GNPAT: variants seen among roughly 807,000 people sequenced by gnomAD.
The protein encoded by GNPAT is glyceronephosphate O-acyltransferase, also known as dihydroxyacetone phosphate acyltransferase.
A neutral mutation model predicts 78.4 loss-of-function variants in GNPAT; 30 were observed. That is an observed-to-expected ratio of 0.38 (90% CI 0.29 to 0.52). The LOEUF (loss-of-function observed/expected upper bound fraction) is 0.52, where lower values mean the gene tolerates loss of function less well. GNPAT is among the 20% of genes least tolerant of loss of function. The probability of loss-of-function intolerance (pLI) is 0.84; values close to 1 mark genes in which losing one functional copy is unlikely to be tolerated. For synonymous variants in GNPAT, 271 were observed against 281.1 expected, an observed-to-expected ratio of 0.96 and a Z score of 0.36; for missense variants, 714 against 812.2, an observed-to-expected ratio of 0.88 and a Z score of 1.47.
intron 12 of GNPAT, chr1:231,274,807 A>T (rs1332562661): frequency 4.0e-6 from 1 of 252,516 alleles, no homozygotes; most frequent in Non-Finnish European, 7.7e-6. Flanking sequence ...TGCTAGTTCT[A>T]CCCTTAATCA....
chr1:231,247,194 G>A lies in GNPAT; in HGVS notation c.79-3767G>A, dbSNP rs534446564. 9.2e-5 allele frequency among the ~76,000 whole-genome samples: 14 copies of A among 152,132 alleles called. No individual in the cohort carries two copies. In the South Asian group the frequency reaches 2.1e-3, roughly 23 times the overall value. ...AAAAAAAACCACTGGATTCGACATCGGGTAAGGGCCAGAATGGGGAGATTT... is the reference window on the plus strand; with the variant it reads ...AAAAAAAACCACTGGATTCGACATCAGGTAAGGGCCAGAATGGGGAGATTT... On this transcript the variant is annotated intron_variant, in intron 1 of 15. Coordinates refer to ENST00000366647, the MANE Select transcript of GNPAT (RefSeq NM_014236.4).
chr1:231,258,864 C>T (rs1334549792), intron 2 of GNPAT, among the ~76,000 whole-genome samples: 5 of 151,556 alleles, frequency 3.3e-5, no homozygotes, highest in Non-Finnish European at 5.9e-5. Flanking sequence ...GTCTCAATCT[C>T]CTGACCTCGT....
chr1:231,270,100 A>G (rs1314323590), intron 9 of GNPAT: 1 of 154,760 alleles, frequency 6.5e-6, no homozygotes, highest in Non-Finnish European at 1.4e-5. Context: ...TAACTGCAGA[A>G]TAATTTTCCG....
chr1:231,242,527 T>C (rs1311014893), intron 1 of GNPAT, among the ~76,000 whole-genome samples: 1 of 152,356 alleles, frequency 6.6e-6, no homozygotes, highest in East Asian at 1.9e-4. Flanking sequence ...TAACTGCCTA[T>C]AAGCCTTATT....
In GNPAT at chr1:231,277,590, C is replaced by T. The variant is rs757899537; in HGVS notation, c.*48C>T. The T allele has an allele frequency of 2.7e-5, 29 of 1,058,846 alleles. No individual in the cohort carries two copies. In the Admixed American group the frequency reaches 3.2e-4, roughly 12 times the overall value. The allele number at this position is 1,058,846 out of a possible 1,614,324, so 65.6% of individuals were successfully genotyped here. On this transcript the variant is annotated 3_prime_UTR_variant, in exon 16 of 16. Coordinates refer to ENST00000366647, the MANE Select transcript of GNPAT (RefSeq NM_014236.4). ...AATTCGGTCACGTAATTACTCTCAT[C>T]GAAGGACTCATTACAACAAACAGGG...
rs200830930 is a variant in GNPAT at position 231,267,696 on chromosome 1, C to G, written c.1072C>G (p.Gln358Glu). ...NLVPRYIPQKQSEDMHAFVTE... is the reference protein window; with the variant it reads ...NLVPRYIPQKESEDMHAFVTE... ...TCCTTTTAGATACATTCCTCAGAAA[C>G]AGTCTGAGGACATGCATGCCTTTGT... is the stretch of plus-strand genomic sequence containing the variant. Residue 358 changes from glutamine (Q) to glutamate (E), a missense_variant, in exon 9 of 16, where the codon CAG becomes GAG. Physicochemically the swap from Gln to Glu is conservative, Grantham distance 29. Coordinates refer to ENST00000366647, the MANE Select transcript of GNPAT (RefSeq NM_014236.4). 6.4e-7 allele frequency: 1 copy of G among 1,573,038 alleles called. No homozygotes were observed. The highest frequency in any genetic ancestry group is 1.1e-5 in the South Asian group (1 of 90,342).
At position 231,241,238 on chromosome 1, in the gene GNPAT, G is replaced by A. The variant is rs1235805316; in HGVS notation, c.-141G>A. The A allele has an allele frequency of 3.4e-6, 5 of 1,471,444 alleles. No individual in the cohort carries two copies. Among genetic ancestry groups the A allele is most frequent in the Non-Finnish European group, 4.7e-6 (5 of 1,053,614 alleles). 91.1% of individuals were successfully genotyped at this position (1,471,444 alleles called of 1,614,324 possible). ...CGTCCTGGCTGAGATGGCGGCGCCC[G>A]GGATCCTGTGTAGCGGCTGCAGAGG... is the stretch of plus-strand genomic sequence containing the variant. On this transcript the variant is annotated 5_prime_UTR_variant, in exon 1 of 16. Transcript: ENST00000366647.
chr1:231,254,993 T>G (rs890295116), intron 2 of GNPAT, among the ~76,000 whole-genome samples: 2 of 151,990 alleles, frequency 1.3e-5, no homozygotes, highest in African/African-American at 4.8e-5. Flanking sequence ...CCTCAGGTAA[T>G]CCGCCCACCT....
intron 2 of GNPAT, among the ~76,000 whole-genome samples, chr1:231,252,944 C>A (rs1171501741): frequency 2.6e-5 from 4 of 152,082 alleles, no homozygotes; most frequent in Non-Finnish European, 5.9e-5. Flanking sequence ...CTGACTTTGC[C>A]TGTTACCTCC....
chr1:231,246,908 G>A (rs755481402), intron 1 of GNPAT, among the ~76,000 whole-genome samples: 3 of 152,132 alleles, frequency 2.0e-5, no homozygotes, highest in Non-Finnish European at 2.9e-5. Flanking sequence ...GTTGGCTCAC[G>A]CCTGTAATCC....
intron 1 of GNPAT, among the ~76,000 whole-genome samples, chr1:231,246,803 C>T (rs978701835): frequency 1.3e-5 from 2 of 152,230 alleles, no homozygotes; most frequent in African/African-American, 2.4e-5. Flanking sequence ...GAAATCTCTA[C>T]AGGTGGAACC....
chr1:231,246,569 A>G (rs568408422), intron 1 of GNPAT, among the ~76,000 whole-genome samples: 5 of 152,336 alleles, frequency 3.3e-5, no homozygotes, highest in African/African-American at 4.8e-5. Flanking sequence ...TGGGGGAGAG[A>G]TAGTTCCCCT....
chr1:231,277,389 C>G (rs1033878164), intron 15 of GNPAT, 110 bp from the exon 16 acceptor site: 2 of 774,672 alleles, frequency 2.6e-6, no homozygotes, highest in African/African-American at 3.4e-5. Context: ...GCCTGTGAAG[C>G]TCTGCACAAG....
chr1:231,244,608 G>C (rs1031056617), intron 1 of GNPAT, among the ~76,000 whole-genome samples: 38 of 152,178 alleles, frequency 2.5e-4, no homozygotes, highest in Non-Finnish European at 4.0e-4. Flanking sequence ...TGTGATGTAA[G>C]AGAGAAATAT....
chr1:231,250,743 A>G (rs565522795), intron 1 of GNPAT, among the ~76,000 whole-genome samples: 1 of 152,342 alleles, frequency 6.6e-6, no homozygotes, highest in African/African-American at 2.4e-5. Context: ...AATCAGAAAT[A>G]TAATAAAATA....
intron 2 of GNPAT, among the ~76,000 whole-genome samples, chr1:231,258,046 T>G (rs1341023267): frequency 6.6e-6 from 1 of 152,208 alleles, no homozygotes; most frequent in Non-Finnish European, 1.5e-5. Context: ...CGGTTATACT[T>G]CCTTTCATGG....
chr1:231,271,273 C>A (rs1345463646), intron 10 of GNPAT, among the ~76,000 whole-genome samples: 1 of 152,200 alleles, frequency 6.6e-6, no homozygotes, highest in Non-Finnish European at 1.5e-5. Context: ...AAGGATCTGG[C>A]ATTTGAGTAC....
At chr1:231,250,082 T>A (rs1484897304) in intron 1 of GNPAT, among the ~76,000 whole-genome samples, 1 of 28,546 alleles carries the variant, frequency 3.5e-5, no homozygotes, top group African/African-American at 2.0e-4. Flanking sequence ...TGTACCTCTT[T>A]ATTATTATTA....
intron 12 of GNPAT, 139 bp downstream of exon 12, chr1:231,274,201 G>A: frequency 4.9e-6 from 4 of 810,008 alleles, no homozygotes; most frequent in South Asian, 1.4e-5. Flanking sequence ...TGACTAATAC[G>A]ATCAGTGATT....
Sources: gnomAD v4.1 joint callset for allele counts (sites outside exome capture counted in the v4.1 genomes callset) on GRCh38, gnomAD v4.1.1 for gene constraint, MANE v1.5 for transcripts, NCBI Gene and HGNC (gene_info 2026-07-23, HGNC 2026-07-21) for gene names.